The following MATN2 variants were observed in gnomAD, a reference collection of about 807,000 sequenced individuals.
The protein encoded by MATN2 is matrilin 2.
In MATN2, 69 loss-of-function variants were observed where a neutral mutation model predicts 103.2. The ratio of observed to expected loss-of-function variants is 0.67; its 90% CI spans 0.55 to 0.82. The LOEUF is 0.82. Ranked by LOEUF, MATN2 falls within the 40% of genes least tolerant of loss-of-function variation. The pLI is 0.00. For missense variants in MATN2, 1,023 were observed against 1,211.5 expected (o/e 0.84, Z 2.31); for synonymous variants, 429 against 450.2 (o/e 0.95, Z 0.60).
At chr8:97,985,771 G>A (rs977500710) in intron 6 of MATN2, among the ~76,000 whole-genome samples, 17 of 152,194 alleles carry the variant, frequency 1.1e-4, no homozygotes, top group Admixed American at 5.9e-4. Flanking sequence ...TTCTCACCAT[G>A]TTGCCCAGGC....
Position 97,931,390 on chromosome 8 carries a change from A to T in MATN2, c.580A>T (p.Ile194Phe). ...GGACACGGGCATCCTAATCTTTGCC[A>T]TTGGTGTGGGCCAGGTAGACTTCAA... ...ARDTGILIFAIGVGQVDFNTL... is the reference protein window; with the variant it reads ...ARDTGILIFAFGVGQVDFNTL... Residue 194 changes from isoleucine to phenylalanine, a missense_variant, in exon 3 of 19, where the codon ATT becomes TTT. Physicochemically the swap from Ile to Phe is conservative, Grantham distance 21. Transcript: ENST00000254898. This position sits in a 1 kb window ranked among gnomAD's most constrained non-coding sequence, Gnocchi z 4.1. 1 of 1,613,782 alleles carries T rather than the reference A, an allele frequency of 6.2e-7. No homozygotes were observed. Among genetic ancestry groups the T allele is most frequent in the Non-Finnish European group, 8.5e-7 (1 of 1,179,882 alleles).
chr8:97,917,950 G>A (rs1809688979), intron 2 of MATN2, among the ~76,000 whole-genome samples: 1 of 152,022 alleles, frequency 6.6e-6, no homozygotes, highest in African/African-American at 2.4e-5. Context: ...GTCGGGTGTG[G>A]TGGGTGTGCC....
At chr8:97,991,247 G>A (rs56060615) in intron 6 of MATN2, among the ~76,000 whole-genome samples, 4,085 of 152,142 alleles carry the variant, frequency 0.027, 171 homozygotes, top group African/African-American at 0.093. Context: ...TTTTTGTTTC[G>A]TTTTGTTTTG....
intron 2 of MATN2, among the ~76,000 whole-genome samples, chr8:97,901,996 C>A (rs966320845): frequency 1.3e-5 from 2 of 151,960 alleles, no homozygotes; most frequent in African/African-American, 4.8e-5. Context: ...GCTCATAATA[C>A]TGAGTTACGT....
intron 1 of MATN2, among the ~76,000 whole-genome samples, chr8:97,875,986 C>T (rs1163838874): frequency 6.6e-5 from 10 of 151,618 alleles, no homozygotes; most frequent in Non-Finnish European, 1.2e-4. Context: ...TGAGCCACTG[C>T]GCCTGGCCGA....
At chr8:98,008,623 C>T (rs1044255254) in intron 10 of MATN2, among the ~76,000 whole-genome samples, 5 of 152,166 alleles carry the variant, frequency 3.3e-5, no homozygotes, top group African/African-American at 4.8e-5. Context: ...TTATAGCTTT[C>T]GGTGGCTCCC....
intron 12 of MATN2, among the ~76,000 whole-genome samples, chr8:98,020,286 C>A (rs1377531733): frequency 6.6e-6 from 1 of 152,222 alleles, no homozygotes; most frequent in Non-Finnish European, 1.5e-5. Flanking sequence ...GCTGGGACTA[C>A]AAGCGTGCAC....
chr8:98,019,202 G>C (rs75650577), intron 12 of MATN2, among the ~76,000 whole-genome samples: 4,399 of 150,896 alleles, frequency 0.029, 188 homozygotes, highest in African/African-American at 0.098. Context: ...ATCTCCACAG[G>C]AAAAATGGAC....
At chr8:97,970,878 GCTGCAGTGAGCCATGATTGCACTA>G (rs1422347515) in intron 5 of MATN2, among the ~76,000 whole-genome samples, 1 of 152,164 alleles carries the variant, frequency 6.6e-6, no homozygotes, top group Non-Finnish European at 1.5e-5. Context: ...GGAGGTTGAG[GCTGCAGTGAGCCATGATTGCACTA>G]CTGCATTCCA....
intron 4 of MATN2, among the ~76,000 whole-genome samples, chr8:97,950,493 T>G (rs1269539249): frequency 1.3e-5 from 2 of 152,192 alleles, no homozygotes; most frequent in African/African-American, 2.4e-5. Flanking sequence ...ATTCAATACC[T>G]GTGGATTCCC....
intron 10 of MATN2, among the ~76,000 whole-genome samples, chr8:98,008,105 G>A (rs1813034927): frequency 2.0e-5 from 3 of 152,160 alleles, no homozygotes; most frequent in African/African-American, 4.8e-5. Flanking sequence ...CCTGGGAGAA[G>A]AGGATGCTCC....
chr8:97,970,416 A>C (rs1207028423), intron 5 of MATN2, among the ~76,000 whole-genome samples: 1 of 152,142 alleles, frequency 6.6e-6, no homozygotes, highest in Non-Finnish European at 1.5e-5. Flanking sequence ...CTCCTACCTC[A>C]CAGCTACTAG....
intron 2 of MATN2, among the ~76,000 whole-genome samples, chr8:97,896,665 A>C (rs2130011933): frequency 6.6e-6 from 1 of 151,482 alleles, no homozygotes; most frequent in East Asian, 1.9e-4. Context: ...ATCAGGTAAC[A>C]CAGCAGGGCT....
chr8:97,982,123 C>A lies in MATN2; in HGVS notation c.1081+3115C>A, dbSNP rs1812047382. 6.6e-6 allele frequency among the ~76,000 whole-genome samples: 1 copy of A among 152,188 alleles called. No individual in the cohort carries two copies. The highest frequency in any genetic ancestry group is 6.5e-5 in the Admixed American group (1 of 15,280). Reference sequence around the variant, plus strand: ...TCCCTTAGAAGAGCCCTCTTCCCACCATGCTTGGGGTGGGCAGGAGCCAGA... The same window carrying A: ...TCCCTTAGAAGAGCCCTCTTCCCACAATGCTTGGGGTGGGCAGGAGCCAGA... On this transcript the variant is annotated intron_variant, in intron 6 of 18. Coordinates refer to ENST00000254898, the MANE Select transcript of MATN2 (RefSeq NM_002380.5). The surrounding 1 kb of genome is among the most constrained non-coding windows in gnomAD (Gnocchi z 4.3).
chr8:98,016,246 G>A (rs1269472416), intron 10 of MATN2, among the ~76,000 whole-genome samples: 4 of 152,100 alleles, frequency 2.6e-5, no homozygotes, highest in South Asian at 2.1e-4. Context: ...GGTGGTGCAC[G>A]CTTGTAGTCC....
intron 10 of MATN2, among the ~76,000 whole-genome samples, chr8:98,015,219 C>T (rs1042610770): frequency 4.6e-5 from 7 of 152,192 alleles, no homozygotes; most frequent in African/African-American, 1.4e-4. Context: ...CCAGTCTGAC[C>T]ACTTCTCACC....
intron 2 of MATN2, among the ~76,000 whole-genome samples, chr8:97,923,817 A>T (rs1000470928): frequency 6.6e-6 from 1 of 152,178 alleles, no homozygotes; most frequent in Non-Finnish European, 1.5e-5. Flanking sequence ...TTGGCCTCCC[A>T]AAGTGCGGGG....
At chr8:98,002,064 C>A (rs185907075) in intron 7 of MATN2, among the ~76,000 whole-genome samples, 1 of 152,116 alleles carries the variant, frequency 6.6e-6, no homozygotes, top group Non-Finnish European at 1.5e-5. Context: ...GACCTTTTCC[C>A]GCAACACCAG....
chr8:97,894,699 A>G (rs549926422), intron 2 of MATN2, among the ~76,000 whole-genome samples: 2 of 152,082 alleles, frequency 1.3e-5, no homozygotes, highest in South Asian at 2.1e-4. Flanking sequence ...TCATTTTTGC[A>G]TGTATCTCTA....
Sources: gnomAD v4.1 joint callset for allele counts (sites outside exome capture counted in the v4.1 genomes callset) on GRCh38, gnomAD v4.1.1 for gene constraint, Gnocchi (gnomAD v3.1) non-coding constraint, MANE v1.5 for transcripts, NCBI Gene and HGNC (gene_info 2026-07-23, HGNC 2026-07-21) for gene names.